The following PTK2 variants were observed in gnomAD, a reference collection of about 807,000 sequenced individuals.
The protein encoded by PTK2 is protein tyrosine kinase 2.
PTK2 carries 45 observed loss-of-function variants against 150.1 expected under a neutral mutation model. The ratio of observed to expected loss-of-function variants is 0.30; its 90% CI spans 0.24 to 0.38. The LOEUF (loss-of-function observed/expected upper bound fraction) is 0.38, where lower values mean the gene tolerates loss of function less well. PTK2 is among the 10% of genes least tolerant of loss of function. PTK2 has a pLI of 1.00. For synonymous variants in PTK2, 432 were observed against 449.2 expected (o/e 0.96, Z 0.48); for missense variants, 919 against 1,307.3 (o/e 0.70, Z 4.58).
intron 2 of PTK2, among the ~76,000 whole-genome samples, chr8:140,891,616 T>C (rs919029563): frequency 6.6e-6 from 1 of 152,090 alleles, no homozygotes; most frequent in Admixed American, 6.6e-5. Flanking sequence ...AGGCTACGAA[T>C]GGGAGAGAAA....
intron 7 of PTK2, among the ~76,000 whole-genome samples, chr8:140,842,794 A>G (rs1273942991): frequency 6.6e-6 from 1 of 152,158 alleles, no homozygotes; most frequent in Non-Finnish European, 1.5e-5. Flanking sequence ...ACTACAATAA[A>G]CTAAAGATTC....
chr8:140,857,599 A>G (rs1182928436), intron 5 of PTK2, among the ~76,000 whole-genome samples: 1 of 152,198 alleles, frequency 6.6e-6, no homozygotes, highest in African/African-American at 2.4e-5. Context: ...GGGACGAAAT[A>G]AGAACAAATA....
In PTK2 at chr8:140,989,705, TCGGGACCAAC is replaced by T. The variant is rs1362406845; in HGVS notation, c.-122+11410_-122+11419del. On this transcript the variant is annotated intron_variant, in intron 1 of 31. Transcript: ENST00000522684. ...GGGCGGATCACCTAAGGAGAGGAAT[TCGGGACCAAC>T]CTGACCAACATACAGAAACCTCATC... 2.6e-5 allele frequency among the ~76,000 whole-genome samples: 4 copies of T among 151,848 alleles called. No homozygotes were observed. The East Asian group carries it at 7.7e-4, about 29-fold the overall frequency.
At chr8:140,731,002 G>A (rs1360407047) in intron 22 of PTK2, among the ~76,000 whole-genome samples, 7 of 130,552 alleles carry the variant, frequency 5.4e-5, no homozygotes, top group Non-Finnish European at 7.8e-5. Context: ...CTTGTCTCCC[G>A]GGCTGGAGTG....
intron 18 of PTK2, among the ~76,000 whole-genome samples, chr8:140,745,273 A>G (rs2100058048): frequency 6.6e-6 from 1 of 152,220 alleles, no homozygotes; most frequent in Admixed American, 6.5e-5. Context: ...AGAAGCACAG[A>G]ACAGTCATGT....
chr8:140,768,848 A>G (rs1023686356), intron 14 of PTK2, among the ~76,000 whole-genome samples: 2 of 152,216 alleles, frequency 1.3e-5, no homozygotes, highest in African/African-American at 4.8e-5. Flanking sequence ...TTAGCTCGTT[A>G]TACTCGTTAT....
chr8:140,914,025 A>C (rs566516118), intron 2 of PTK2, among the ~76,000 whole-genome samples: 9 of 152,318 alleles, frequency 5.9e-5, no homozygotes, highest in African/African-American at 2.2e-4. Context: ...GTTCAACGTC[A>C]AACTTCTATA....
At chr8:140,961,502 AT>A (rs2154609388) in intron 1 of PTK2, among the ~76,000 whole-genome samples, 1 of 152,188 alleles carries the variant, frequency 6.6e-6, no homozygotes, top group African/African-American at 2.4e-5. Context: ...TCTACTAAAA[AT>A]ACAAAAAAAT....
chr8:140,680,453 C>G (rs941713980), intron 27 of PTK2, among the ~76,000 whole-genome samples: 1 of 152,172 alleles, frequency 6.6e-6, no homozygotes, highest in Non-Finnish European at 1.5e-5. Flanking sequence ...TGGTCTCGAA[C>G]TCCTGACCTC....
chr8:140,989,861 T>C (rs1588954532), intron 1 of PTK2, among the ~76,000 whole-genome samples: 1 of 149,656 alleles, frequency 6.7e-6, no homozygotes, highest in African/African-American at 2.5e-5. Context: ...TGAGCCGAGG[T>C]TGCACCAGTG....
intron 22 of PTK2, among the ~76,000 whole-genome samples, chr8:140,723,001 T>C (rs1274211925): frequency 6.6e-6 from 1 of 152,194 alleles, no homozygotes; most frequent in Non-Finnish European, 1.5e-5. Context: ...TAAGGCTACT[T>C]ACTGTTTTCC....
chr8:140,742,796 C>G (rs1173287797), intron 20 of PTK2, among the ~76,000 whole-genome samples: 2 of 152,144 alleles, frequency 1.3e-5, no homozygotes, highest in Admixed American at 6.5e-5. Flanking sequence ...ATCTTCTACT[C>G]TGTAGCTTCT....
At chr8:141,001,360 C>T (rs913461289), upstream of PTK2, 2 of 150,224 alleles carry the variant, frequency 1.3e-5, no homozygotes, top group Non-Finnish European at 3.0e-5. Context: ...GCACGCCCGA[C>T]CCGGTCTCAG....
chr8:140,711,730 C>T (rs143579854), intron 23 of PTK2, among the ~76,000 whole-genome samples: 2 of 152,216 alleles, frequency 1.3e-5, no homozygotes, highest in Middle Eastern at 3.4e-3. Flanking sequence ...ATGGTGAGTC[C>T]ACAAACAGGT....
chr8:140,751,642 C>A (rs1053690010), intron 17 of PTK2, among the ~76,000 whole-genome samples: 3 of 152,082 alleles, frequency 2.0e-5, no homozygotes, highest in South Asian at 4.1e-4. Context: ...CAGGTGCGTG[C>A]CACTATGCAC....
intron 1 of PTK2, among the ~76,000 whole-genome samples, chr8:141,000,678 C>T (rs535215661): frequency 2.0e-5 from 3 of 150,102 alleles, no homozygotes; most frequent in African/African-American, 2.5e-5. Flanking sequence ...AGCCGCCCCC[C>T]CCTTCCTCCT....
chr8:140,740,181 G>A (rs1055049346), intron 20 of PTK2, among the ~76,000 whole-genome samples: 5 of 152,148 alleles, frequency 3.3e-5, no homozygotes, highest in African/African-American at 9.7e-5. Context: ...GAACAATCCC[G>A]AGTCCTTTTT....
intron 1 of PTK2, among the ~76,000 whole-genome samples, chr8:140,927,744 T>G (rs1233975184): frequency 6.6e-6 from 1 of 151,364 alleles, no homozygotes; most frequent in African/African-American, 2.4e-5. Context: ...TGACCTGAGA[T>G]CAGGAGTTCA....
intron 22 of PTK2, among the ~76,000 whole-genome samples, chr8:140,722,894 A>G (rs528296282): frequency 6.6e-6 from 1 of 152,342 alleles, no homozygotes; most frequent in South Asian, 2.1e-4. Context: ...TAAGTGGGAC[A>G]TATTCTTCAA....
Sources: gnomAD v4.1 joint callset for allele counts (sites outside exome capture counted in the v4.1 genomes callset) on GRCh38, gnomAD v4.1.1 for gene constraint, MANE v1.5 for transcripts, NCBI Gene and HGNC (gene_info 2026-07-23, HGNC 2026-07-21) for gene names.